The following TTC3 variants were observed in gnomAD, a reference collection of about 807,000 sequenced individuals.
The protein encoded by TTC3 is tetratricopeptide repeat domain 3.
TTC3 carries 180 observed loss-of-function variants against 249.6 expected under a neutral mutation model. The ratio of observed to expected loss-of-function variants is 0.72; its 90% CI spans 0.64 to 0.82. The LOEUF is 0.82. Among genes scored for constraint, TTC3 ranks in the 40% least tolerant of loss-of-function variants. The pLI, the probability that TTC3 is intolerant of heterozygous loss-of-function variation, is 0.00. For missense variants in TTC3, 2,061 were observed against 2,398.4 expected (o/e 0.86, Z 2.94); for synonymous variants, 717 against 805.0 (o/e 0.89, Z 1.85).
intron 27 of TTC3, among the ~76,000 whole-genome samples, chr21:37,156,208 T>TTTTG (rs10651532): frequency 0.62 from 91,128 of 146,750 alleles, 29,442 homozygotes; most frequent in East Asian, 0.83. Context: ...GGCTAACTCT[T>TTTTG]TTTTTTTTTG....
chr21:37,080,474 A>G (rs1264067649), intron 1 of TTC3, among the ~76,000 whole-genome samples: 2 of 151,710 alleles, frequency 1.3e-5, no homozygotes, highest in Non-Finnish European at 2.9e-5. Flanking sequence ...TTAAGTGTCT[A>G]TTAGGTAAAG....
At chr21:37,159,490 A>C (rs895214835) in intron 28 of TTC3, 6 of 557,494 alleles carry the variant, frequency 1.1e-5, no homozygotes, top group Non-Finnish European at 1.9e-5. Flanking sequence ...ATGCTGAATC[A>C]GATTGAAGTT....
At chr21:37,085,006 A>C (rs571544763) in intron 1 of TTC3, among the ~76,000 whole-genome samples, 1 of 151,888 alleles carries the variant, frequency 6.6e-6, no homozygotes, top group South Asian at 2.1e-4. Flanking sequence ...CAAACAAACA[A>C]ACAAACCAAA....
intron 39 of TTC3, 55 bp downstream of exon 39, chr21:37,188,650 C>A: frequency 7.3e-7 from 1 of 1,363,638 alleles, no homozygotes; most frequent in Non-Finnish European, 1.0e-6. Context: ...AAAGCTAGGA[C>A]CATTTGAGAA....
chr21:37,104,197 A>G (rs1011229000), intron 10 of TTC3, among the ~76,000 whole-genome samples: 1 of 152,210 alleles, frequency 6.6e-6, no homozygotes, highest in African/African-American at 2.4e-5. Context: ...CTTAAGCAGC[A>G]TCATGGATTA....
chr21:37,169,653 A>C (rs1361375351), intron 34 of TTC3, among the ~76,000 whole-genome samples: 5 of 52 alleles, frequency 0.096, no homozygotes, highest in Middle Eastern at 0.5. Context: ...GTTTGAGACC[A>C]GCTGGCCAAC....
At chr21:37,106,622 T>C (rs563752238) in intron 10 of TTC3, among the ~76,000 whole-genome samples, 5 of 152,340 alleles carry the variant, frequency 3.3e-5, no homozygotes, top group African/African-American at 1.2e-4. Context: ...CGGTGGCTCA[T>C]GCCTGTATTC....
chr21:37,188,201 A>G (rs2018227627), intron 38 of TTC3: 1 of 257,416 alleles, frequency 3.9e-6, no homozygotes. Context: ...TCGTGTACAC[A>G]TGCAGTTAAC....
chr21:37,156,979 G>A (rs1025711161), intron 28 of TTC3, 73 bp downstream of exon 28: 2 of 1,519,956 alleles, frequency 1.3e-6, no homozygotes, highest in African/African-American at 2.8e-5. Flanking sequence ...GACCTAGCTT[G>A]TTTAAATATA....
rs58809719 is a variant in TTC3 at position 37,081,109 on chromosome 21, C to CTTTTT, written c.-11-6115_-11-6111dup. 1.7e-4 allele frequency among the ~76,000 whole-genome samples: 10 copies of CTTTTT among 58,190 alleles called. 2 individuals carry two copies. Among genetic ancestry groups the CTTTTT allele is most frequent in the East Asian group, 5.2e-4 (1 of 1,912 alleles). 38.2% of individuals were successfully genotyped at this position (58,190 alleles called of 152,430 possible). ...AGTGTGCTGCCAGTTTTATTTATGC[C>CTTTTT]TTTTTTTTTTTTTTTTTTTTTTTTT... On this transcript the variant is annotated intron_variant, in intron 1 of 45. Transcript: ENST00000355666.
chr21:37,113,631 G>T (rs112380957), intron 11 of TTC3, among the ~76,000 whole-genome samples: 1 of 152,030 alleles, frequency 6.6e-6, no homozygotes, highest in African/African-American at 2.4e-5. Flanking sequence ...TATAGATTCA[G>T]TGCCATCCCC....
chr21:37,180,287 A>G lies in TTC3; in HGVS notation c.4618-2487A>G, dbSNP rs1215177995. 2.0e-5 allele frequency among the ~76,000 whole-genome samples: 3 copies of G among 151,942 alleles called. No homozygotes were observed. In the East Asian group the frequency reaches 5.8e-4, roughly 29 times the overall value. On this transcript the variant is annotated intron_variant, in intron 35 of 45. Transcript: ENST00000355666. Reference sequence around the variant, plus strand: ...AGGACTGCATGCCATTCATTTTTATATTACTCTCACTCATGGTTTTGTATT... The same window carrying G: ...AGGACTGCATGCCATTCATTTTTATGTTACTCTCACTCATGGTTTTGTATT...
In TTC3 at chr21:37,110,832, G is replaced by A. The variant is rs980201432; in HGVS notation, c.900+2386G>A. On this transcript the variant is annotated intron_variant, in intron 11 of 45. Transcript: ENST00000355666. ...AAGGTCGGGTTACCCACAAAGGGAAGCCCATCAGACTAACTGCTGATCTCT... is the reference window on the plus strand; with the variant it reads ...AAGGTCGGGTTACCCACAAAGGGAAACCCATCAGACTAACTGCTGATCTCT... Among the ~76,000 whole-genome samples the A allele has an allele frequency of 1.2e-4, 18 of 152,290 alleles. No individual in the cohort carries two copies. The East Asian group carries it at 1.5e-3, about 13-fold the overall frequency.
At position 37,097,509 on chromosome 21, in the gene TTC3, A is replaced by T. The variant is rs191844515; in HGVS notation, c.845+866A>T. On this transcript the variant is annotated intron_variant, in intron 10 of 45. Coordinates refer to ENST00000355666, the Ensembl canonical transcript of TTC3. ...AAGGTCCTGCATAGGTATTAGTTATAATTCATATTTGCCTCTGACCTTCAG... is the reference window on the plus strand; with the variant it reads ...AAGGTCCTGCATAGGTATTAGTTATTATTCATATTTGCCTCTGACCTTCAG... Among the ~76,000 whole-genome samples, 569 of 152,326 alleles carry T rather than the reference A, an allele frequency of 3.7e-3. 2 individuals are homozygous for T. Among genetic ancestry groups the T allele is most frequent in the Middle Eastern group, 6.8e-3 (2 of 294 alleles).
chr21:37,083,492 G>A, intron 1 of TTC3: 1 of 751,390 alleles, frequency 1.3e-6, no homozygotes, highest in Non-Finnish European at 1.6e-6. Flanking sequence ...AGTGGCACTG[G>A]GCATGAAGAA....
At chr21:37,190,710 C>T (rs1304929471) in intron 39 of TTC3, among the ~76,000 whole-genome samples, 1 of 152,194 alleles carries the variant, frequency 6.6e-6, no homozygotes, top group African/African-American at 2.4e-5. Flanking sequence ...CTGCCTTCTC[C>T]ACCAAAGTAT....
Position 37,146,349 on chromosome 21 carries a change from C to T in TTC3, c.1894-1132C>T, listed in dbSNP as rs753567242. Among the ~76,000 whole-genome samples the T allele has an allele frequency of 3.9e-5, 6 of 152,024 alleles. 1 individual carries two copies. The highest frequency in any genetic ancestry group is 4.2e-4 in the South Asian group (2 of 4,812). Reference sequence around the variant, plus strand: ...TTCAAGACCAGCCTGGGCAACATGGCGAAACCCATCAATACAAAAATTAGC... The same window carrying T: ...TTCAAGACCAGCCTGGGCAACATGGTGAAACCCATCAATACAAAAATTAGC... On this transcript the variant is annotated intron_variant, in intron 21 of 45. Transcript: ENST00000355666.
chr21:37,191,861 T>C (rs1054001205), intron 40 of TTC3, among the ~76,000 whole-genome samples: 1 of 152,232 alleles, frequency 6.6e-6, no homozygotes, highest in African/African-American at 2.4e-5. Flanking sequence ...AGTGCTGGGA[T>C]TGCAGGTGTG....
chr21:37,153,923 G>A (rs1459106425), intron 27 of TTC3, among the ~76,000 whole-genome samples: 2 of 152,272 alleles, frequency 1.3e-5, no homozygotes, highest in African/African-American at 4.8e-5. Flanking sequence ...ACTGAGCTGT[G>A]GTAAATCACA....
Sources: gnomAD v4.1 joint callset for allele counts (sites outside exome capture counted in the v4.1 genomes callset) on GRCh38, gnomAD v4.1.1 for gene constraint, MANE v1.5 for transcripts, NCBI Gene and HGNC (gene_info 2026-07-23, HGNC 2026-07-21) for gene names.